Variants in CFAP20DC observed in about 807,000 individuals in gnomAD.
CFAP20DC encodes the protein protein CFAP20DC.
CFAP20DC carries 84 observed loss-of-function variants against 101.7 expected under a neutral mutation model. The observed-to-expected ratio is 0.83, with a 90% CI of 0.69 to 0.99. The LOEUF (loss-of-function observed/expected upper bound fraction) is 0.99. Among genes scored for constraint, CFAP20DC ranks in the 50% least tolerant of loss-of-function variants. CFAP20DC has a pLI of 0.00. For synonymous variants in CFAP20DC, 359 were observed against 351.2 expected (o/e 1.02, Z -0.25); for missense variants, 1,007 against 970.3 (o/e 1.04, Z -0.50).
intron 4 of CFAP20DC, among the ~76,000 whole-genome samples, chr3:58,952,212 G>C (rs544095921): frequency 6.6e-6 from 1 of 152,190 alleles, no homozygotes; most frequent in Admixed American, 6.5e-5. Context: ...CCTCATCTGT[G>C]GTTTCATGTT....
rs918848189 is a variant in CFAP20DC, at chr3:59,001,738, C to T, written c.278+37819G>A. 2.0e-5 allele frequency among the ~76,000 whole-genome samples: 3 copies of T among 152,220 alleles called. No individual in the cohort carries two copies. Among genetic ancestry groups the T allele is most frequent in the Non-Finnish European group, 4.4e-5 (3 of 68,004 alleles). ...CAGGTGTGAGCCACTGTGCCCGGCA[C>T]AGACAACCTTTTTCTAATCTCGCAA... On this transcript the variant is annotated intron_variant, in intron 4 of 16. Transcript: ENST00000482387. This position sits in a 1 kb window ranked among gnomAD's most constrained non-coding sequence, Gnocchi z 4.5.
chr3:58,857,709 T>C (rs976074308), intron 12 of CFAP20DC, among the ~76,000 whole-genome samples: 3 of 152,154 alleles, frequency 2.0e-5, no homozygotes, highest in African/African-American at 7.2e-5. Flanking sequence ...CAAGATGACA[T>C]AGGAGACTAT....
At chr3:58,933,236 T>G (rs369868923) in intron 5 of CFAP20DC, among the ~76,000 whole-genome samples, 29 of 152,038 alleles carry the variant, frequency 1.9e-4, no homozygotes, top group Admixed American at 8.5e-4. Flanking sequence ...CCTAAATATA[T>G]ATGCACCCAA....
At position 58,996,003 on chromosome 3, in the gene CFAP20DC, T is replaced by TATCTATCTATCTATCA. The variant is rs1553760793; in HGVS notation, c.278+43553_278+43554insTGATAGATAGATAGAT. Among the ~76,000 whole-genome samples, 4 of 152,010 alleles carry TATCTATCTATCTATCA rather than the reference T, an allele frequency of 2.6e-5. No homozygotes were observed. In the East Asian group the frequency reaches 7.7e-4, roughly 29 times the overall value. On this transcript the variant is annotated intron_variant, in intron 4 of 16. Transcript: ENST00000482387. ...CTATCTATCTATCTATCTATCTATC[T>TATCTATCTATCTATCA]ATCTATCTATCTATCTATCTATTGT... is the stretch of plus-strand genomic sequence containing the variant.
At chr3:58,872,379 T>A (rs1277355621) in intron 7 of CFAP20DC, among the ~76,000 whole-genome samples, 1 of 141,566 alleles carries the variant, frequency 7.1e-6, no homozygotes, top group African/African-American at 3.0e-5. Flanking sequence ...TGCATCAGTC[T>A]TAAAAAAAAA....
At chr3:58,725,148 A>G (rs796372053) in intron 3 of CFAP20DC, among the ~76,000 whole-genome samples, 4 of 152,332 alleles carry the variant, frequency 2.6e-5, no homozygotes, top group African/African-American at 9.6e-5. Flanking sequence ...TCAGACACAA[A>G]GACAGACTTT....
rs886408259 is a variant in CFAP20DC, at chr3:58,899,228, C to A, written c.550+14480G>T. On this transcript the variant is annotated intron_variant, in intron 6 of 16. Coordinates refer to ENST00000482387, the MANE Select transcript of CFAP20DC (RefSeq NM_001394063.1). The surrounding 1 kb of genome is among the most constrained non-coding windows in gnomAD (Gnocchi z 5.0). Reference sequence around the variant, plus strand: ...GCTTTCTAGTAGTGCAGCTGTGCTGCGTTGTGGGAGACCCTTCCTTGTCCA... The same window carrying A: ...GCTTTCTAGTAGTGCAGCTGTGCTGAGTTGTGGGAGACCCTTCCTTGTCCA... 6.6e-6 allele frequency among the ~76,000 whole-genome samples: 1 copy of A among 152,216 alleles called. No homozygotes were observed. The highest frequency in any genetic ancestry group is 1.5e-5 in the Non-Finnish European group (1 of 68,036).
intron 3 of CFAP20DC, among the ~76,000 whole-genome samples, chr3:58,719,852 G>C (rs1043793228): frequency 1.3e-5 from 2 of 152,336 alleles, no homozygotes; most frequent in African/African-American, 4.8e-5. Context: ...CCAGTAGACA[G>C]ACCACTTGGC....
At chr3:58,822,336 C>CAAAA (rs150808559) in intron 14 of CFAP20DC, among the ~76,000 whole-genome samples, 76 of 127,054 alleles carry the variant, frequency 6.0e-4, no homozygotes, top group Middle Eastern at 5.7e-3. Context: ...AACAAACAAA[C>CAAAA]AAAAAAAACC....
chr3:58,808,628 C>T (rs1239238768), intron 14 of CFAP20DC, among the ~76,000 whole-genome samples: 2 of 152,022 alleles, frequency 1.3e-5, no homozygotes, highest in African/African-American at 4.8e-5. Flanking sequence ...TTGTAAAGAC[C>T]ATCGAGGCTA....
At chr3:58,819,732 A>T (rs1259077299) in intron 14 of CFAP20DC, among the ~76,000 whole-genome samples, 2 of 144,716 alleles carry the variant, frequency 1.4e-5, no homozygotes, top group East Asian at 2.3e-4. Flanking sequence ...AACGGGTACC[A>T]TTCCTTCTGA....
chr3:59,013,238 T>C (rs1211325412), intron 4 of CFAP20DC, among the ~76,000 whole-genome samples: 1 of 152,186 alleles, frequency 6.6e-6, no homozygotes, highest in Non-Finnish European at 1.5e-5. Context: ...TTTGCTGTCC[T>C]GACCAAAATT....
Position 58,980,636 on chromosome 3 carries a change from C to T in CFAP20DC, c.279-42874G>A, listed in dbSNP as rs558990292. On this transcript the variant is annotated intron_variant, in intron 4 of 16. Transcript: ENST00000482387. ...ATTATCTCAATAGATGCAGAAAAGG[C>T]CTTTGACAAAATTCAACAATGCTTC... Among the ~76,000 whole-genome samples, 162 of 152,214 alleles carry T rather than the reference C, an allele frequency of 1.1e-3. 1 individual carries two copies. Among genetic ancestry groups the T allele is most frequent in the African/African-American group, 3.4e-3 (140 of 41,534 alleles).
chr3:58,893,257 G>T (rs915308080), intron 6 of CFAP20DC, among the ~76,000 whole-genome samples: 3 of 152,086 alleles, frequency 2.0e-5, no homozygotes, highest in Non-Finnish European at 4.4e-5. Flanking sequence ...TGTTAGCCAG[G>T]ATGGTCTCGA....
At chr3:58,896,180 T>C (rs79427555) in intron 6 of CFAP20DC, among the ~76,000 whole-genome samples, 3,238 of 152,356 alleles carry the variant, frequency 0.021, 47 homozygotes, top group Middle Eastern at 0.058. Context: ...TTTTTGTGCA[T>C]AGAGGTGTTT....
At chr3:59,041,944 C>T in intron 3 of CFAP20DC, among the ~76,000 whole-genome samples, 1 of 152,114 alleles carries the variant, frequency 6.6e-6, no homozygotes, top group East Asian at 1.9e-4. Context: ...AGACTCAATG[C>T]TGAAGTTTTT....
At chr3:58,883,185 G>A (rs2108641564) in intron 7 of CFAP20DC, among the ~76,000 whole-genome samples, 1 of 152,260 alleles carries the variant, frequency 6.6e-6, no homozygotes, top group Non-Finnish European at 1.5e-5. Context: ...GAGAATCACT[G>A]AGTCTTGCCA....
At chr3:58,998,651 G>A (rs1421980594) in intron 4 of CFAP20DC, among the ~76,000 whole-genome samples, 2 of 151,978 alleles carry the variant, frequency 1.3e-5, no homozygotes, top group Non-Finnish European at 2.9e-5. Flanking sequence ...GTGACTCTAG[G>A]GTAAGCCATG....
chr3:58,769,427 G>A (rs1032502937), intron 15 of CFAP20DC, among the ~76,000 whole-genome samples: 1 of 152,208 alleles, frequency 6.6e-6, no homozygotes, highest in African/African-American at 2.4e-5. Flanking sequence ...ACTGAATCGT[G>A]TCTGGCCATC....
Sources: gnomAD v4.1 joint callset for allele counts (sites outside exome capture counted in the v4.1 genomes callset) on GRCh38, gnomAD v4.1.1 for gene constraint, Gnocchi (gnomAD v3.1) non-coding constraint, MANE v1.5 for transcripts, NCBI Gene and HGNC (gene_info 2026-07-23, HGNC 2026-07-21) for gene names.